LRRC8B: variants seen among roughly 807,000 people sequenced by gnomAD.
LRRC8B encodes the protein volume-regulated anion channel subunit LRRC8B.
LRRC8B carries 23 observed loss-of-function variants against 58.8 expected under a neutral mutation model. The ratio of observed to expected loss-of-function variants is 0.39; its 90% CI spans 0.28 to 0.55. LRRC8B has a LOEUF of 0.55. Among genes scored for constraint, LRRC8B ranks in the 20% least tolerant of loss-of-function variants. LRRC8B has a pLI of 0.62. For synonymous variants in LRRC8B, 359 were observed against 374.1 expected (o/e 0.96, Z 0.47); for missense variants, 694 against 936.0 (o/e 0.74, Z 3.37).
chr1:89,590,048 A>G (rs1367316823), intron 5 of LRRC8B, among the ~76,000 whole-genome samples: 1 of 152,152 alleles, frequency 6.6e-6, no homozygotes, highest in African/African-American at 2.4e-5. Context: ...GTTGTAGTTT[A>G]TTCCATAAAA....
At position 89,583,620 on chromosome 1, in the gene LRRC8B, A is replaced by G. The variant is rs201783732; in HGVS notation, c.970A>G (p.Ile324Val). 2.5e-6 allele frequency: 4 copies of G among 1,612,580 alleles called. No individual in the cohort carries two copies. The highest frequency in any genetic ancestry group is 1.7e-5 in the Admixed American group (1 of 60,018). Residue 324 changes from isoleucine to valine, a missense_variant, in exon 5 of 6, where the codon ATA becomes GTA. Ile to Val is a conservative substitution (Grantham distance 29, BLOSUM62 3). Around this residue, in one of 5 missense-constraint regions of LRRC8B, gnomAD observed 316 missense variants for 403.8 expected, o/e 0.78. Coordinates refer to ENST00000330947, the MANE Select transcript of LRRC8B (RefSeq NM_001369817.2). This position sits in a 1 kb window ranked among gnomAD's most constrained non-coding sequence, Gnocchi z 5.2. ...VLASFYVILVILYGLTSSYSL... is the reference protein window; with the variant it reads ...VLASFYVILVVLYGLTSSYSL... ...GGCTTCATTTTATGTCATTTTGGTT[A>G]TACTTTATGGTCTGACCTCTTCCTA...
At chr1:89,545,663 A>G (rs947688932) in intron 1 of LRRC8B, among the ~76,000 whole-genome samples, 1 of 152,192 alleles carries the variant, frequency 6.6e-6, no homozygotes, top group Non-Finnish European at 1.5e-5. Context: ...TTCTTGCACT[A>G]TATGTATGGT....
chr1:89,569,864 C>T (rs1324517524), intron 3 of LRRC8B, among the ~76,000 whole-genome samples: 1 of 152,124 alleles, frequency 6.6e-6, no homozygotes, highest in Non-Finnish European at 1.5e-5. Flanking sequence ...TCTTCTCCCA[C>T]CCTCCACCCT....
At chr1:89,554,504 G>A (rs373830932) in intron 1 of LRRC8B, among the ~76,000 whole-genome samples, 17 of 152,226 alleles carry the variant, frequency 1.1e-4, no homozygotes, top group East Asian at 3.9e-4. Context: ...TTAGGTCTGA[G>A]TGTGACACCT....
At chr1:89,571,989 A>G (rs529088529) in intron 3 of LRRC8B, among the ~76,000 whole-genome samples, 1 of 152,172 alleles carries the variant, frequency 6.6e-6, no homozygotes, top group Non-Finnish European at 1.5e-5. Flanking sequence ...TGATCTGTCT[A>G]ATATTGTCAG....
chr1:89,584,609 G>A lies in LRRC8B; in HGVS notation c.1959G>A (p.Gly653=). The A allele has an allele frequency of 6.2e-7, 1 of 1,614,028 alleles. No homozygotes were observed. The highest frequency in any genetic ancestry group is 1.3e-5 in the African/African-American group (1 of 75,002). The part of the protein sequence containing the change: ...NNIAYIPAQI[G]ALSNLEQLSL... The stretch of plus-strand genomic sequence containing the variant: ...TTGCTTATATTCCTGCACAGATTGG[G>A]GCATTATCTAACCTAGAGCAGCTCT... Residue 653 remains glycine (G), a synonymous_variant, in exon 5 of 6, where the codon GGG becomes GGA. Transcript: ENST00000330947.
Position 89,525,041 on chromosome 1 carries a change from C to G in LRRC8B, c.-241+19C>G, listed in dbSNP as rs1014773375. 1 of 152,382 alleles carries G rather than the reference C, an allele frequency of 6.6e-6. No homozygotes were observed. Among genetic ancestry groups the G allele is most frequent in the East Asian group, 1.9e-4 (1 of 5,202 alleles). 9.4% of individuals were successfully genotyped at this position (152,382 alleles called of 1,614,324 possible). ...CGCGCAGGTAGGTCGGAGCGTGACA[C>G]CCCGGTTCCAGGAGGGCGAGCCGCG... On this transcript the variant is annotated intron_variant, in intron 1 of 5. Coordinates refer to ENST00000330947, the MANE Select transcript of LRRC8B (RefSeq NM_001369817.2).
chr1:89,560,531 C>T (rs1471739589), intron 1 of LRRC8B, among the ~76,000 whole-genome samples: 1 of 149,276 alleles, frequency 6.7e-6, no homozygotes, highest in Non-Finnish European at 1.5e-5. Context: ...TGCTATCCCT[C>T]CCCCCTTCCC....
rs936505014 is a variant in LRRC8B at position 89,596,058 on chromosome 1, T to G, written c.*3015T>G. The G allele has an allele frequency of 2.7e-5, 4 of 150,400 alleles. No individual in the cohort carries two copies. The highest frequency in any genetic ancestry group is 1.3e-4 in the Admixed American group (2 of 15,054). The allele number at this position is 150,400 out of a possible 1,614,324, so 9.3% of individuals were successfully genotyped here. Reference sequence around the variant, plus strand: ...CATTAGTTTTTGATATATCTAGTGGTTTTTTTTTCAAAATTGCAGGAGGTT... The same window carrying G: ...CATTAGTTTTTGATATATCTAGTGGGTTTTTTTTCAAAATTGCAGGAGGTT... On this transcript the variant is annotated 3_prime_UTR_variant, in exon 6 of 6. Coordinates refer to ENST00000330947, the MANE Select transcript of LRRC8B (RefSeq NM_001369817.2).
chr1:89,582,980 C>A lies in LRRC8B; in HGVS notation c.330C>A (p.Tyr110Ter). The A allele has an allele frequency of 6.2e-7, 1 of 1,614,202 alleles. No individual in the cohort carries two copies. Among genetic ancestry groups the A allele is most frequent in the South Asian group, 1.1e-5 (1 of 91,072 alleles). The change falls in exon 5 of 6, where the codon TAC becomes TAA. Residue 110 changes from tyrosine to a stop codon, truncating the protein, a stop_gained. Transcript: ENST00000330947. LOFTEE classifies it high-confidence loss of function. The stretch of plus-strand genomic sequence containing the variant: ...ACTCCTATATTGATGCCGTCTGTTA[C>A]GAGAAACAGCTCCATTGGTTTGCAA... ...QQYSYIDAVC[Y>*]EKQLHWFAKF...
At chr1:89,555,686 A>T (rs1303995497) in intron 1 of LRRC8B, among the ~76,000 whole-genome samples, 2 of 152,212 alleles carry the variant, frequency 1.3e-5, no homozygotes, top group African/African-American at 4.8e-5. Context: ...TCCCTTAGGA[A>T]ATAACTTTCT....
At chr1:89,542,678 GTC>G (rs2100847634) in intron 1 of LRRC8B, among the ~76,000 whole-genome samples, 1 of 152,324 alleles carries the variant, frequency 6.6e-6, no homozygotes, top group African/African-American at 2.4e-5. Flanking sequence ...TCACATAACT[GTC>G]TCAGTTGCCA....
chr1:89,561,133 G>A (rs918320453), intron 1 of LRRC8B, among the ~76,000 whole-genome samples: 11 of 151,740 alleles, frequency 7.2e-5, no homozygotes, highest in African/African-American at 2.7e-4. Flanking sequence ...TTCTCTGATG[G>A]CCAGTGATGA....
intron 1 of LRRC8B, among the ~76,000 whole-genome samples, chr1:89,547,823 C>T (rs989244060): frequency 5.9e-5 from 9 of 152,066 alleles, no homozygotes; most frequent in Admixed American, 2.0e-4. Flanking sequence ...GGAGGGGGTG[C>T]GGGGCATTCA....
At chr1:89,525,867 CAAACAAAA>C (rs1483688875) in intron 1 of LRRC8B, among the ~76,000 whole-genome samples, 1 of 151,770 alleles carries the variant, frequency 6.6e-6, no homozygotes, top group Non-Finnish European at 1.5e-5. Context: ...TTCAAACAAA[CAAACAAAA>C]AAACACTCCA....
In LRRC8B at chr1:89,583,907, G is replaced by C. The variant is rs1299251605; in HGVS notation, c.1257G>C (p.Gln419His). The change falls in exon 5 of 6, where the codon CAG becomes CAC. Residue 419 changes from glutamine (Q) to histidine (H), a missense_variant. Gln to His is a conservative substitution (Grantham distance 24). Transcript: ENST00000330947. The surrounding 1 kb of genome is among the most constrained non-coding windows in gnomAD (Gnocchi z 5.2). The part of the protein sequence containing the change: ...KLKSKLVKNA[Q>H]DKIELHLFML... ...AAAGTAAGCTTGTGAAAAATGCCCA[G>C]GACAAGATAGAACTGCATCTTTTTA... 1.2e-6 allele frequency: 2 copies of C among 1,614,148 alleles called. No homozygotes were observed. Among genetic ancestry groups the C allele is most frequent in the Admixed American group, 3.3e-5 (2 of 60,014 alleles).
chr1:89,549,820 A>G (rs1414023639), intron 1 of LRRC8B: 1 of 152,162 alleles, frequency 6.6e-6, no homozygotes, highest in African/African-American at 2.4e-5. Flanking sequence ...TAACTTTTAA[A>G]ATTTTACCAA....
intron 1 of LRRC8B, among the ~76,000 whole-genome samples, chr1:89,563,181 A>G (rs1652809919): frequency 6.6e-6 from 1 of 152,134 alleles, no homozygotes; most frequent in Non-Finnish European, 1.5e-5. Flanking sequence ...ATATATATAT[A>G]TGTAACAAAA....
chr1:89,533,133 C>T (rs1650263529), intron 1 of LRRC8B, among the ~76,000 whole-genome samples: 1 of 152,154 alleles, frequency 6.6e-6, no homozygotes, highest in Non-Finnish European at 1.5e-5. Flanking sequence ...AGTCTATCTG[C>T]CAGCATCACC....
Sources: allele counts gnomAD v4.1 joint callset (sites outside exome capture counted in the v4.1 genomes callset), GRCh38; gene constraint gnomAD v4.1.1; regional missense constraint gnomAD v4.1.1; non-coding constraint Gnocchi (gnomAD v3.1); transcripts MANE v1.5; gene names NCBI Gene and HGNC (gene_info 2026-07-23, HGNC 2026-07-21).